The following CCDC47 variants were observed in gnomAD, a reference collection of about 807,000 sequenced individuals.
The protein encoded by CCDC47 is PAT complex subunit CCDC47.
A neutral mutation model predicts 60.5 loss-of-function variants in CCDC47; 41 were observed. The observed-to-expected ratio is 0.68, with a 90% CI of 0.53 to 0.88. CCDC47 has a LOEUF of 0.88. CCDC47 is among the 40% of genes least tolerant of loss of function. CCDC47 has a pLI of 0.00. For missense variants in CCDC47, 513 were observed against 580.9 expected, an observed-to-expected ratio of 0.88 and a Z score of 1.20; for synonymous variants, 195 against 190.7, an observed-to-expected ratio of 1.02 and a Z score of -0.18.
intron 1 of CCDC47, among the ~76,000 whole-genome samples, chr17:63,772,241 G>C (rs1309682737): frequency 7.0e-6 from 1 of 143,590 alleles, no homozygotes; most frequent in Non-Finnish European, 1.5e-5. Flanking sequence ...CGGGAGATAT[G>C]TACCAAGGGT....
chr17:63,759,475 T>A, intron 6 of CCDC47, among the ~76,000 whole-genome samples: 1 of 91,438 alleles, frequency 1.1e-5, no homozygotes, highest in Non-Finnish European at 2.1e-5. Flanking sequence ...GGTGATAGAG[T>A]GAGATTCTGT....
Position 63,760,986 on chromosome 17 carries a change from A to C in CCDC47, c.670-7T>G. 6.2e-7 allele frequency: 1 copy of C among 1,612,394 alleles called. No homozygotes were observed. Among genetic ancestry groups the C allele is most frequent in the Non-Finnish European group, 8.5e-7 (1 of 1,178,550 alleles). On this transcript the variant is annotated splice_region_variant and splice_polypyrimidine_tract_variant and intron_variant, in intron 5 of 12. Transcript: ENST00000225726. ...AGTCTTGTCTCTTGAGGAACTGAAAAAAATGAGAGAAGTAAGTAAATCCAA... is the reference window on the plus strand; with the variant it reads ...AGTCTTGTCTCTTGAGGAACTGAAACAAATGAGAGAAGTAAGTAAATCCAA...
intron 1 of CCDC47, among the ~76,000 whole-genome samples, chr17:63,771,288 T>C (rs1598313767): frequency 2.0e-5 from 3 of 152,078 alleles, no homozygotes; most frequent in South Asian, 4.1e-4. Context: ...ATAGTGTATA[T>C]ACATATACAT....
At chr17:63,770,479 G>C (rs1386629425) in intron 1 of CCDC47, among the ~76,000 whole-genome samples, 2 of 152,174 alleles carry the variant, frequency 1.3e-5, no homozygotes, top group Non-Finnish European at 2.9e-5. Flanking sequence ...GCAACTGCAG[G>C]GAAGTGATAA....
Position 63,760,476 on chromosome 17 carries a change from T to G in CCDC47, c.735+438A>C, listed in dbSNP as rs960974710. 2.6e-5 allele frequency among the ~76,000 whole-genome samples: 4 copies of G among 152,294 alleles called. No individual in the cohort carries two copies. In the East Asian group the frequency reaches 5.8e-4, roughly 22 times the overall value. ...CCAAGGAGAAAAAGGGTCCATTTTTTGTCAAGGGACATAAATTGCCAGAAA... is the reference window on the plus strand; with the variant it reads ...CCAAGGAGAAAAAGGGTCCATTTTTGGTCAAGGGACATAAATTGCCAGAAA... On this transcript the variant is annotated intron_variant, in intron 6 of 12. Transcript: ENST00000225726.
In CCDC47 at chr17:63,745,702, C is replaced by G. The variant is rs1035093961; in HGVS notation, c.*1179G>C. On this transcript the variant is annotated 3_prime_UTR_variant, in exon 13 of 13. Coordinates refer to ENST00000225726, the MANE Select transcript of CCDC47 (RefSeq NM_020198.3). ...ACCACCCCACTCCCACCAGAAAACC[C>G]AACCCTTACCCATCCCCGGCAAAAA... 11 of 152,176 alleles carry G rather than the reference C, an allele frequency of 7.2e-5. No individual in the cohort carries two copies. The highest frequency in any genetic ancestry group is 1.5e-5 in the Non-Finnish European group (1 of 68,028). The allele number at this position is 152,176 out of a possible 1,614,324, so 9.4% of individuals were successfully genotyped here.
intron 1 of CCDC47, chr17:63,766,849 T>G: frequency 1.0e-6 from 1 of 981,358 alleles, no homozygotes; most frequent in Non-Finnish European, 1.2e-6. Flanking sequence ...GAGGTAAAAA[T>G]GAAGGAATAA....
intron 12 of CCDC47, chr17:63,747,485 A>AT: frequency 7.2e-6 from 7 of 978,586 alleles, no homozygotes; most frequent in Non-Finnish European, 7.3e-6. Flanking sequence ...ATCAAATGTG[A>AT]TAAAAATTAT....
intron 9 of CCDC47, 118 bp downstream of exon 9, chr17:63,754,314 GC>G (rs2144476589): frequency 1.5e-6 from 1 of 672,182 alleles, no homozygotes; most frequent in Admixed American, 2.7e-5. Flanking sequence ...AAATGTGGAG[GC>G]CTGTCACCAA....
At chr17:63,767,482 G>A (rs2039305521) in intron 1 of CCDC47, among the ~76,000 whole-genome samples, 1 of 151,954 alleles carries the variant, frequency 6.6e-6, no homozygotes, top group South Asian at 2.1e-4. Context: ...AAAAAAAAGT[G>A]GGGAGACCAT....
Position 63,747,034 on chromosome 17 carries a change from T to A in CCDC47, c.1372-73A>T, listed in dbSNP as rs988735389. 4 of 1,557,808 alleles carry A rather than the reference T, an allele frequency of 2.6e-6. No individual in the cohort carries two copies. The African/African-American group carries it at 5.5e-5, about 21-fold the overall frequency. ...GAATTCAAATTAAGCTTGAAACATATGTTAAAAAAAAATCCAAATTAGAAT... is the reference window on the plus strand; with the variant it reads ...GAATTCAAATTAAGCTTGAAACATAAGTTAAAAAAAAATCCAAATTAGAAT... On this transcript the variant is annotated intron_variant, in intron 12 of 12. Transcript: ENST00000225726.
In CCDC47 at chr17:63,754,614, C is replaced by A. The variant is rs529194476; in HGVS notation, c.949-96G>T. On this transcript the variant is annotated intron_variant, in intron 8 of 12. Coordinates refer to ENST00000225726, the MANE Select transcript of CCDC47 (RefSeq NM_020198.3). ...CACTCTTTGAGATGGTGCAACGGCTCACACCAGTAATCCCCGCACTTTGGG... is the reference window on the plus strand; with the variant it reads ...CACTCTTTGAGATGGTGCAACGGCTAACACCAGTAATCCCCGCACTTTGGG... 3.8e-4 allele frequency: 281 copies of A among 733,382 alleles called. 2 individuals carry two copies. In the South Asian group the frequency reaches 4.8e-3, roughly 12 times the overall value. The allele number at this position is 733,382 out of a possible 1,614,324, so 45.4% of individuals were successfully genotyped here. A position where few individuals can be genotyped will look rare whatever the true frequency, so the allele number is the denominator to read the frequency against.
intron 12 of CCDC47, chr17:63,751,712 G>T: frequency 1.7e-6 from 1 of 583,578 alleles, no homozygotes; most frequent in Non-Finnish European, 3.0e-6. Flanking sequence ...ATTGTGCTGG[G>T]GGAACAGGAT....
intron 12 of CCDC47, among the ~76,000 whole-genome samples, chr17:63,750,048 C>A (rs1015894025): frequency 6.6e-6 from 1 of 152,064 alleles, no homozygotes; most frequent in African/African-American, 2.4e-5. Flanking sequence ...ATTGAGTTCA[C>A]CAGATCTTTT....
At chr17:63,771,041 G>A (rs7209671) in intron 1 of CCDC47, among the ~76,000 whole-genome samples, 2,414 of 31,490 alleles carry the variant, frequency 0.077, 63 homozygotes, top group African/African-American at 0.17. Context: ...AGGAAGGAAG[G>A]AAGGAAGAAA....
At chr17:63,757,762 GCTC>G (rs774190065) in intron 6 of CCDC47, among the ~76,000 whole-genome samples, 5 of 152,194 alleles carry the variant, frequency 3.3e-5, no homozygotes, top group Admixed American at 6.5e-5. Context: ...CAGGCACAGA[GCTC>G]CTAAAGCCCT....
Position 63,759,506 on chromosome 17 carries a change from AAAATATATATATATATATATTT to A in CCDC47, c.735+1386_735+1407del, listed in dbSNP as rs1568249018. Among the ~76,000 whole-genome samples, 7 of 24,466 alleles carry A rather than the reference AAAATATATATATATATATATTT, an allele frequency of 2.9e-4. 3 individuals carry two copies. The South Asian group carries it at 5.3e-3, about 19-fold the overall frequency. 16.1% of individuals were successfully genotyped at this position (24,466 alleles called of 152,430 possible). A position where few individuals can be genotyped will look rare whatever the true frequency, so the allele number is the denominator to read the frequency against. On this transcript the variant is annotated intron_variant, in intron 6 of 12. Coordinates refer to ENST00000225726, the MANE Select transcript of CCDC47 (RefSeq NM_020198.3). ...TCTGTCTCCCAAAAAAAAAAAAAAA[AAAATATATATATATATATATTT>A]ATATATATATATATATATATATATA... is the stretch of plus-strand genomic sequence containing the variant.
intron 6 of CCDC47, among the ~76,000 whole-genome samples, chr17:63,757,538 T>C (rs1286676698): frequency 1.3e-5 from 2 of 152,132 alleles, no homozygotes; most frequent in Non-Finnish European, 2.9e-5. Flanking sequence ...ACCCACTCAA[T>C]ACATGCTGCA....
In CCDC47 at chr17:63,759,861, C is replaced by T. The variant is rs187408142; in HGVS notation, c.735+1053G>A. Among the ~76,000 whole-genome samples, 813 of 151,042 alleles carry T rather than the reference C, an allele frequency of 5.4e-3. 6 individuals are homozygous for T. Among genetic ancestry groups the T allele is most frequent in the African/African-American group, 0.018 (743 of 41,328 alleles). On this transcript the variant is annotated intron_variant, in intron 6 of 12. Transcript: ENST00000225726. ...CGGGCGGATCACGAGGTCAGGAGAT[C>T]GAGACCATCCTGGCCAACATGGTGA...
Sources: allele counts gnomAD v4.1 joint callset (sites outside exome capture counted in the v4.1 genomes callset), GRCh38; gene constraint gnomAD v4.1.1; transcripts MANE v1.5; gene names NCBI Gene and HGNC (gene_info 2026-07-23, HGNC 2026-07-21).